Variants in TGFBR3 observed in about 807,000 individuals in gnomAD.
TGFBR3 encodes the protein transforming growth factor beta receptor 3.
In TGFBR3, 46 loss-of-function variants were observed where a neutral mutation model predicts 87.9. That is an observed-to-expected ratio of 0.52 (90% confidence interval 0.41 to 0.67). The LOEUF (loss-of-function observed/expected upper bound fraction) is 0.67. Ranked by LOEUF, TGFBR3 falls within the 30% of genes least tolerant of loss-of-function variation. The pLI, the probability that TGFBR3 is intolerant of heterozygous loss-of-function variation, is 0.00. For missense variants in TGFBR3, 866 were observed against 1,041.9 expected (o/e 0.83, Z 2.32); for synonymous variants, 381 against 391.6 (o/e 0.97, Z 0.32).
chr1:91,905,238 A>G (rs370544035), intron 1 of TGFBR3, among the ~76,000 whole-genome samples: 221 of 152,254 alleles, frequency 1.5e-3, no homozygotes, highest in African/African-American at 5.2e-3. Context: ...CTCTGACATA[A>G]CCTGGAATTA....
At chr1:91,889,029 C>T (rs776770742), upstream of TGFBR3, among the ~76,000 whole-genome samples, 2 of 152,046 alleles carry the variant, frequency 1.3e-5, no homozygotes, top group East Asian at 1.9e-4. Flanking sequence ...TTGACAAGCA[C>T]GCACCACCAT....
At chr1:91,758,493 C>T (rs1673829286) in intron 4 of TGFBR3, 120 bp downstream of exon 4, 2 of 1,214,900 alleles carry the variant, frequency 1.6e-6, no homozygotes, top group Non-Finnish European at 2.4e-6. Flanking sequence ...CCAAATTTAA[C>T]ACTCTTTGGA....
chr1:91,747,964 C>T (rs748311835), intron 4 of TGFBR3, among the ~76,000 whole-genome samples: 3 of 152,190 alleles, frequency 2.0e-5, no homozygotes, highest in Admixed American at 6.5e-5. Context: ...TATATATCCC[C>T]GACTGGTTCT....
At chr1:91,696,618 T>G (rs531258642) in intron 15 of TGFBR3, among the ~76,000 whole-genome samples, 12 of 152,304 alleles carry the variant, frequency 7.9e-5, no homozygotes, top group Admixed American at 2.0e-4. Context: ...CTTCTTTGAG[T>G]CACTTATAAA....
intron 3 of TGFBR3, among the ~76,000 whole-genome samples, chr1:91,781,979 T>C (rs1008948995): frequency 7.2e-5 from 11 of 152,140 alleles, no homozygotes; most frequent in Admixed American, 7.2e-4. Context: ...AAAATAATTG[T>C]TCACAATGGT....
Position 91,801,061 on chromosome 1 carries a change from C to T in TGFBR3, c.62-3590G>A, listed in dbSNP as rs553056101. 9.0e-5 allele frequency: 15 copies of T among 166,760 alleles called. No homozygotes were observed. The South Asian group carries it at 9.2e-4, about 10-fold the overall frequency. 10.3% of individuals were successfully genotyped at this position (166,760 alleles called of 1,614,324 possible). On this transcript the variant is annotated intron_variant, in intron 2 of 16. Coordinates refer to ENST00000212355, the MANE Select transcript of TGFBR3 (RefSeq NM_003243.5). ...TCGCGCCATTGCACTCCAGCCTGGG[C>T]GACAAGAGCAAAACTCTGTCTCAAA... is the stretch of plus-strand genomic sequence containing the variant.
At chr1:91,780,570 T>TTC (rs1235954828) in intron 3 of TGFBR3, among the ~76,000 whole-genome samples, 2 of 147,048 alleles carry the variant, frequency 1.4e-5, no homozygotes, top group African/African-American at 5.1e-5. Context: ...TTTTTTTTTT[T>TTC]TTTTCTGACA....
rs1670925751 is a variant in TGFBR3, at chr1:91,682,022, T to C, written c.*1717A>G. The C allele has an allele frequency of 2.2e-6, 1 of 453,924 alleles. No homozygotes were observed. The highest frequency in any genetic ancestry group is 2.0e-5 in the African/African-American group (1 of 50,072). The allele number at this position is 453,924 out of a possible 1,614,324, so 28.1% of individuals were successfully genotyped here. On this transcript the variant is annotated 3_prime_UTR_variant, in exon 17 of 17. Transcript: ENST00000212355. The stretch of plus-strand genomic sequence containing the variant: ...TGGAAATCTCAGCCCTAAAGTAATG[T>C]TTTAGTTAAAATGTTCCTTATTGAA...
intron 2 of TGFBR3, among the ~76,000 whole-genome samples, chr1:91,807,642 A>C (rs1675882328): frequency 6.6e-6 from 1 of 152,232 alleles, no homozygotes; most frequent in South Asian, 2.1e-4. Context: ...CCATCTAAAC[A>C]AGATACCACT....
At chr1:91,732,171 C>A (rs1672797663) in intron 5 of TGFBR3, among the ~76,000 whole-genome samples, 1 of 152,142 alleles carries the variant, frequency 6.6e-6, no homozygotes, top group African/African-American at 2.4e-5. Flanking sequence ...GGGGGTAATG[C>A]AAACACCTCA....
chr1:91,834,349 A>G (rs113904507), intron 2 of TGFBR3, among the ~76,000 whole-genome samples: 1,851 of 152,332 alleles, frequency 0.012, 45 homozygotes, highest in African/African-American at 0.042. Flanking sequence ...GTATTTGAAA[A>G]TTGCAAATAG....
intron 3 of TGFBR3, among the ~76,000 whole-genome samples, chr1:91,768,149 T>C (rs1674247414): frequency 6.6e-6 from 1 of 150,534 alleles, no homozygotes; most frequent in Non-Finnish European, 1.5e-5. Flanking sequence ...GAGGCGGAAG[T>C]TGAGTTGAGC....
chr1:91,682,262 T>C lies in TGFBR3; in HGVS notation c.*1477A>G, dbSNP rs1670933633. 2.2e-6 allele frequency: 1 copy of C among 454,090 alleles called. No individual in the cohort carries two copies. Among genetic ancestry groups the C allele is most frequent in the South Asian group, 1.6e-5 (1 of 64,478 alleles). The allele number at this position is 454,090 out of a possible 1,614,324, so 28.1% of individuals were successfully genotyped here. A position where few individuals can be genotyped will look rare whatever the true frequency, so the allele number is the denominator to read the frequency against. ...TTTTAAGGGCAGTGGGATTTGCTTA[T>C]GAATATTTTGGGGGTAGAATCTATC... On this transcript the variant is annotated 3_prime_UTR_variant, in exon 17 of 17. Coordinates refer to ENST00000212355, the MANE Select transcript of TGFBR3 (RefSeq NM_003243.5).
At chr1:91,815,580 C>T (rs1340219342) in intron 2 of TGFBR3, among the ~76,000 whole-genome samples, 1 of 152,182 alleles carries the variant, frequency 6.6e-6, no homozygotes, top group Non-Finnish European at 1.5e-5. Flanking sequence ...AAGAACACTA[C>T]ATTTGGACCT....
intron 3 of TGFBR3, among the ~76,000 whole-genome samples, chr1:91,787,291 C>T (rs922096091): frequency 2.0e-5 from 3 of 151,560 alleles, no homozygotes; most frequent in South Asian, 4.2e-4. Context: ...CAGAGCGAGA[C>T]GCCATCTCAC....
intron 4 of TGFBR3, among the ~76,000 whole-genome samples, chr1:91,743,207 G>C (rs12403389): frequency 0.3 from 46,279 of 151,964 alleles, 7,877 homozygotes; most frequent in South Asian, 0.58. Context: ...CTGGCAGGTT[G>C]CATTGTAGCC....
At chr1:91,800,942 G>A in intron 2 of TGFBR3, 1 of 198,048 alleles carries the variant, frequency 5.0e-6, no homozygotes, top group Non-Finnish European at 1.1e-5. Flanking sequence ...AAATTAGCTG[G>A]GCTTGGTGGC....
In TGFBR3 at chr1:91,770,229, TA is replaced by T. The variant is rs768443099; in HGVS notation, c.247-11480del. Among the ~76,000 whole-genome samples, 852 of 140,090 alleles carry T rather than the reference TA, an allele frequency of 6.1e-3. 1 individual carries two copies. The highest frequency in any genetic ancestry group is 7.3e-3 in the African/African-American group (277 of 38,138). The allele number at this position is 140,090 out of a possible 152,430, so 91.9% of individuals were successfully genotyped here. A position where few individuals can be genotyped will look rare whatever the true frequency, so the allele number is the denominator to read the frequency against. Reference sequence around the variant, plus strand: ...ACAACTGTTGATCCCAACCCTGGATTAAAAAAAAAAAAAAGAGTGGGTGATT... The same window carrying T: ...ACAACTGTTGATCCCAACCCTGGATTAAAAAAAAAAAAAGAGTGGGTGATT... On this transcript the variant is annotated intron_variant, in intron 3 of 16. Transcript: ENST00000212355.
intron 16 of TGFBR3, among the ~76,000 whole-genome samples, chr1:91,689,687 G>C (rs1168978170): frequency 6.6e-6 from 1 of 152,060 alleles, no homozygotes; most frequent in Non-Finnish European, 1.5e-5. Flanking sequence ...AGTGAACTCT[G>C]AATCAAGAAA....
Sources: gnomAD v4.1 joint callset for allele counts (sites outside exome capture counted in the v4.1 genomes callset) on GRCh38, gnomAD v4.1.1 for gene constraint, MANE v1.5 for transcripts, NCBI Gene and HGNC (gene_info 2026-07-23, HGNC 2026-07-21) for gene names.